Variants in TMEM117 observed in about 807,000 individuals in gnomAD.
TMEM117 encodes the protein transmembrane protein 117.
TMEM117 carries 27 observed loss-of-function variants against 52.4 expected under a neutral mutation model. The observed-to-expected ratio is 0.51, with a 90% CI of 0.38 to 0.71. The LOEUF is 0.71. Ranked by LOEUF, TMEM117 falls within the 30% of genes least tolerant of loss-of-function variation. The probability of loss-of-function intolerance (pLI) is 0.00; values close to 1 mark genes in which losing one functional copy is unlikely to be tolerated. For synonymous variants in TMEM117, 215 were observed against 206.3 expected (o/e 1.04, Z -0.36); for missense variants, 556 against 630.5 (o/e 0.88, Z 1.26).
chr12:43,823,577 T>G, the TMEM117 span, among the ~76,000 whole-genome samples: 1 of 152,180 alleles, frequency 6.6e-6, no homozygotes, highest in Non-Finnish European at 1.5e-5. Context: ...TGGCGTGATC[T>G]TGGCTCACTG....
intron 5 of TMEM117, among the ~76,000 whole-genome samples, chr12:44,295,547 C>T (rs1477469897): frequency 1.3e-5 from 2 of 152,014 alleles, no homozygotes; most frequent in African/African-American, 4.8e-5. Flanking sequence ...TGTCATTCCT[C>T]TAACTGGCTA....
intron 2 of TMEM117, among the ~76,000 whole-genome samples, chr12:43,896,235 G>T (rs1001960905): frequency 6.6e-6 from 1 of 152,194 alleles, no homozygotes; most frequent in African/African-American, 2.4e-5. Context: ...ATAAAGGTTC[G>T]TGGGAAATAT....
chr12:43,925,650 G>C (rs557729158), intron 2 of TMEM117, among the ~76,000 whole-genome samples: 1 of 152,106 alleles, frequency 6.6e-6, no homozygotes, highest in South Asian at 2.1e-4. Flanking sequence ...GGTGAATTAC[G>C]TGAAATCCTT....
chr12:44,016,390 C>T (rs1946374200), intron 3 of TMEM117, among the ~76,000 whole-genome samples: 1 of 152,170 alleles, frequency 6.6e-6, no homozygotes, highest in Non-Finnish European at 1.5e-5. Context: ...CAGGTGGAAA[C>T]GGGACCATCC....
intron 3 of TMEM117, among the ~76,000 whole-genome samples, chr12:44,024,856 T>A (rs1688723): frequency 0.33 from 50,153 of 151,972 alleles, 13,103 homozygotes; most frequent in African/African-American, 0.73. Context: ...ATATTTGTGT[T>A]TGTATATATG....
intron 5 of TMEM117, among the ~76,000 whole-genome samples, chr12:44,249,246 C>CTAA (rs1307804390): frequency 6.6e-6 from 1 of 152,004 alleles, no homozygotes; most frequent in African/African-American, 2.4e-5. Context: ...TATACAACTA[C>CTAA]TAATATCTTG....
At position 44,255,082 on chromosome 12, in the gene TMEM117, A is replaced by G. The variant is rs1950244136; in HGVS notation, c.608+43695A>G. Among the ~76,000 whole-genome samples the G allele has an allele frequency of 2.0e-5, 3 of 152,146 alleles. No homozygotes were observed. The South Asian group carries it at 6.2e-4, about 32-fold the overall frequency. ...GTTGTTGGACATTTGGGTTGGTTCC[A>G]AGTCTTTGCTATTGTGAATAGTGCC... On this transcript the variant is annotated intron_variant, in intron 5 of 7. Transcript: ENST00000266534.
At chr12:44,223,139 C>T (rs948065937) in intron 5 of TMEM117, among the ~76,000 whole-genome samples, 1 of 151,438 alleles carries the variant, frequency 6.6e-6, no homozygotes, top group African/African-American at 2.4e-5. Context: ...CAGATTATTT[C>T]AGTCACCTAG....
rs185713876 is a variant in TMEM117 at position 44,143,237 on chromosome 12, G to T, written c.411-288G>T. Among the ~76,000 whole-genome samples the T allele has an allele frequency of 5.2e-3, 789 of 152,318 alleles. 5 individuals carry two copies. The highest frequency in any genetic ancestry group is 8.6e-3 in the Non-Finnish European group (588 of 68,026). On this transcript the variant is annotated intron_variant, in intron 3 of 7. Coordinates refer to ENST00000266534, the MANE Select transcript of TMEM117 (RefSeq NM_032256.3). ...GTGAGCATGCAATAATACCTTTGCTGAGTATTTCTGTTTGATTTTTCAAAA... is the reference window on the plus strand; with the variant it reads ...GTGAGCATGCAATAATACCTTTGCTTAGTATTTCTGTTTGATTTTTCAAAA...
At chr12:43,892,177 C>G (rs1000497423) in intron 2 of TMEM117, among the ~76,000 whole-genome samples, 2 of 152,124 alleles carry the variant, frequency 1.3e-5, no homozygotes, top group African/African-American at 4.8e-5. Flanking sequence ...AAAAGAAAGT[C>G]AACTAAGGGA....
At chr12:44,092,919 G>T (rs2138048958) in intron 3 of TMEM117, among the ~76,000 whole-genome samples, 1 of 152,288 alleles carries the variant, frequency 6.6e-6, no homozygotes, top group African/African-American at 2.4e-5. Flanking sequence ...AAAGTGTTCT[G>T]CACTTCTGCA....
At chr12:43,977,176 CA>C (rs1945684843) in intron 3 of TMEM117, among the ~76,000 whole-genome samples, 1 of 152,134 alleles carries the variant, frequency 6.6e-6, no homozygotes, top group African/African-American at 2.4e-5. Flanking sequence ...GAGAGTATAG[CA>C]AGGAACAGAT....
At chr12:44,131,501 G>A (rs1302282073) in intron 3 of TMEM117, among the ~76,000 whole-genome samples, 1 of 152,066 alleles carries the variant, frequency 6.6e-6, no homozygotes, top group Non-Finnish European at 1.5e-5. Context: ...ATTAGGCAGA[G>A]TTTGCTCATC....
intron 4 of TMEM117, among the ~76,000 whole-genome samples, chr12:44,184,620 GGGGACCT>G (rs1287137382): frequency 6.6e-6 from 1 of 152,098 alleles, no homozygotes; most frequent in Non-Finnish European, 1.5e-5. Context: ...ACCAGGAAAT[GGGGACCT>G]CAGTCCTACA....
At chr12:44,200,834 G>T (rs1424513471) in intron 4 of TMEM117, among the ~76,000 whole-genome samples, 2 of 152,098 alleles carry the variant, frequency 1.3e-5, no homozygotes, top group African/African-American at 4.8e-5. Context: ...GCACAATGCG[G>T]GTAGAGTGTG....
chr12:43,909,075 A>G (rs1247606351), intron 2 of TMEM117, among the ~76,000 whole-genome samples: 3 of 63,842 alleles, frequency 4.7e-5, no homozygotes, highest in African/African-American at 9.5e-5. Flanking sequence ...CACCTATTCC[A>G]AAATTGACCA....
intron 6 of TMEM117, among the ~76,000 whole-genome samples, chr12:44,375,341 G>A (rs1951927033): frequency 6.6e-6 from 1 of 152,128 alleles, no homozygotes; most frequent in Admixed American, 6.6e-5. Flanking sequence ...GATAGAAAGG[G>A]ATAATGTTGC....
intron 3 of TMEM117, among the ~76,000 whole-genome samples, chr12:44,127,337 G>A (rs548364962): frequency 1.3e-4 from 19 of 151,996 alleles, no homozygotes; most frequent in East Asian, 3.9e-4. Context: ...AAATCTAGGC[G>A]TTGTTTTGAA....
intron 3 of TMEM117, among the ~76,000 whole-genome samples, chr12:44,049,742 A>G (rs1946940008): frequency 6.6e-6 from 1 of 152,188 alleles, no homozygotes; most frequent in Non-Finnish European, 1.5e-5. Flanking sequence ...TTTTATCCAG[A>G]AGACAAATGG....
Sources: allele counts gnomAD v4.1 joint callset (sites outside exome capture counted in the v4.1 genomes callset), GRCh38; gene constraint gnomAD v4.1.1; transcripts MANE v1.5; gene names NCBI Gene and HGNC (gene_info 2026-07-23, HGNC 2026-07-21).